AK8: variants seen among roughly 807,000 people sequenced by gnomAD.
AK8 encodes the protein ATP-AMP transphosphorylase 8.
Under a neutral mutation model 54.6 loss-of-function variants are expected in AK8, and 44 were observed. The observed-to-expected ratio is 0.81, with a 90% CI of 0.63 to 1.04. The LOEUF is 1.04. Ranked by LOEUF, AK8 falls within the 50% of genes least tolerant of loss-of-function variation. The pLI is 0.00. For synonymous variants in AK8, 239 were observed against 245.6 expected (o/e 0.97, Z 0.25); for missense variants, 555 against 613.6 (o/e 0.90, Z 1.01).
chr9:132,864,601 T>C (rs1843516357), intron 3 of AK8, among the ~76,000 whole-genome samples: 1 of 152,206 alleles, frequency 6.6e-6, no homozygotes, highest in Admixed American at 6.5e-5. Context: ...GAAGCCCTTT[T>C]TGACTGTACA....
chr9:132,804,939 G>A (rs1414133319), intron 10 of AK8, among the ~76,000 whole-genome samples: 6 of 152,168 alleles, frequency 3.9e-5, no homozygotes, highest in African/African-American at 7.2e-5. Flanking sequence ...GAAAGAACCC[G>A]TGTCAGCTCC....
At chr9:132,835,913 T>C (rs1042475156) in intron 5 of AK8, among the ~76,000 whole-genome samples, 3 of 151,940 alleles carry the variant, frequency 2.0e-5, no homozygotes, top group Non-Finnish European at 2.9e-5. Flanking sequence ...CACCTGAGGT[T>C]GAGAGTTCGA....
rs552902959 is a variant in AK8, at chr9:132,804,632, G to A, written c.979+10006C>T. Among the ~76,000 whole-genome samples, 65 of 152,148 alleles carry A rather than the reference G, an allele frequency of 4.3e-4. 1 individual carries two copies. Among genetic ancestry groups the A allele is most frequent in the African/African-American group, 1.1e-3 (45 of 41,486 alleles). ...CTCTTCCCTCGCCTCTCCCCCTCCC[G>A]TGTCCCTCTGCTCCCATCTTGCTTC... On this transcript the variant is annotated intron_variant, in intron 10 of 12. Transcript: ENST00000298545.
At chr9:132,839,830 G>GT (rs1554801294) in intron 5 of AK8, among the ~76,000 whole-genome samples, 5 of 141,534 alleles carry the variant, frequency 3.5e-5, no homozygotes, top group African/African-American at 8.2e-5. Flanking sequence ...CGGGGGGGGG[G>GT]GCGCAGGGAC....
chr9:132,768,585 C>T (rs188394631), intron 11 of AK8, among the ~76,000 whole-genome samples: 2 of 152,262 alleles, frequency 1.3e-5, no homozygotes, highest in East Asian at 3.9e-4. Context: ...ATTGTTTATG[C>T]CTTTTGGATC....
At chr9:132,732,940 A>G (rs985439918) in intron 11 of AK8, among the ~76,000 whole-genome samples, 5 of 152,116 alleles carry the variant, frequency 3.3e-5, no homozygotes, top group African/African-American at 1.2e-4. Flanking sequence ...CTGAGCCACA[A>G]TCTCTTTCTC....
intron 2 of AK8, among the ~76,000 whole-genome samples, chr9:132,870,795 G>A (rs1480675648): frequency 5.3e-5 from 8 of 152,224 alleles, no homozygotes; most frequent in Admixed American, 3.9e-4. Context: ...ACCCCAGGCC[G>A]CTGCATGGCT....
intron 11 of AK8, among the ~76,000 whole-genome samples, chr9:132,745,292 A>C (rs1837588798): frequency 6.6e-6 from 1 of 152,172 alleles, no homozygotes; most frequent in Non-Finnish European, 1.5e-5. Context: ...AATGCATTTA[A>C]CTAATGGGGA....
At chr9:132,795,446 A>C (rs1292901368) in intron 10 of AK8, among the ~76,000 whole-genome samples, 1 of 152,222 alleles carries the variant, frequency 6.6e-6, no homozygotes, top group African/African-American at 2.4e-5. Flanking sequence ...CCTCTGATCC[A>C]GAGACCTTGT....
At chr9:132,833,966 C>T (rs1175749696) in intron 5 of AK8, among the ~76,000 whole-genome samples, 2 of 152,250 alleles carry the variant, frequency 1.3e-5, no homozygotes, top group Non-Finnish European at 2.9e-5. Flanking sequence ...GAGCGTGGGG[C>T]TCCCTGGGTG....
chr9:132,878,531 C>G (rs769688344), upstream of AK8: 49 of 1,179,962 alleles, frequency 4.2e-5, no homozygotes, highest in Non-Finnish European at 4.9e-5. This position sits in a 1 kb window ranked among gnomAD's most constrained non-coding sequence, Gnocchi z 4.7. Context: ...CTCCTCGTAT[C>G]TGAGACCCCC....
At chr9:132,802,120 G>A (rs974950945) in intron 10 of AK8, among the ~76,000 whole-genome samples, 1 of 152,234 alleles carries the variant, frequency 6.6e-6, no homozygotes, top group African/African-American at 2.4e-5. Flanking sequence ...AAGCCACGGA[G>A]GTATTGGTAG....
At position 132,814,723 on chromosome 9, in the gene AK8, G is replaced by T. The variant is rs767421835; in HGVS notation, c.894C>A (p.Cys298Ter). 22 of 1,613,574 alleles carry T rather than the reference G, an allele frequency of 1.4e-5. 1 individual carries two copies. In the South Asian group the frequency reaches 2.3e-4, roughly 17 times the overall value. Residue 298 changes from cysteine (C) to a stop codon, truncating the protein, a stop_gained, in exon 10 of 13, where the codon TGC (cysteine) becomes TGA (stop). Transcript: ENST00000298545. LOFTEE classifies it high-confidence loss of function. Reference sequence around the variant, plus strand: ...CAGCCTCTTTCAGCAGTTGCCCACAGCAGACTGAAGGAGAGGGGAACAGAA... The same window carrying T: ...CAGCCTCTTTCAGCAGTTGCCCACATCAGACTGAAGGAGAGGGGAACAGAA... ...LAQKYRLVNV[C>*]CGQLLKEAVA...
chr9:132,751,558 T>G (rs1367434325), intron 11 of AK8, among the ~76,000 whole-genome samples: 2 of 149,480 alleles, frequency 1.3e-5, no homozygotes, highest in Admixed American at 1.3e-4. Flanking sequence ...AAAAAACAAC[T>G]TCTGGGTTTT....
Position 132,837,528 on chromosome 9 carries a change from T to G in AK8, c.403-8802A>C, listed in dbSNP as rs1437008065. Among the ~76,000 whole-genome samples the G allele has an allele frequency of 1.3e-5, 2 of 152,018 alleles. No individual in the cohort carries two copies. The highest frequency in any genetic ancestry group is 4.8e-5 in the African/African-American group (2 of 41,378). ...CGTGCCTCTCAATACTCTCTCCTGCTCCAAGGTCTGCTTGCGTCTGCTCAA... is the reference window on the plus strand; with the variant it reads ...CGTGCCTCTCAATACTCTCTCCTGCGCCAAGGTCTGCTTGCGTCTGCTCAA... On this transcript the variant is annotated intron_variant, in intron 5 of 12. Coordinates refer to ENST00000298545, the MANE Select transcript of AK8 (RefSeq NM_152572.3). The surrounding 1 kb of genome is among the most constrained non-coding windows in gnomAD (Gnocchi z 4.3).
chr9:132,774,312 G>C (rs1590225554), intron 11 of AK8, among the ~76,000 whole-genome samples: 1 of 152,174 alleles, frequency 6.6e-6, no homozygotes, highest in Non-Finnish European at 1.5e-5. Context: ...AGCCAACAAG[G>C]AGGCGATGCC....
chr9:132,833,571 C>T (rs1180502502), intron 5 of AK8, among the ~76,000 whole-genome samples: 8 of 152,128 alleles, frequency 5.3e-5, no homozygotes, highest in East Asian at 1.9e-4. Context: ...CTTCGCTCAC[C>T]GTACCCCCGT....
intron 5 of AK8, among the ~76,000 whole-genome samples, chr9:132,840,852 CA>C (rs34922925): frequency 1.3e-5 from 2 of 150,464 alleles, no homozygotes; most frequent in Non-Finnish European, 3.0e-5. Flanking sequence ...GAGATCGCGC[CA>C]AAAAAAAAGT....
At chr9:132,768,211 C>T (rs897887812) in intron 11 of AK8, among the ~76,000 whole-genome samples, 4 of 152,066 alleles carry the variant, frequency 2.6e-5, no homozygotes, top group Admixed American at 2.6e-4. Context: ...CACATGTACC[C>T]TCATGAATAT....
Sources: allele counts gnomAD v4.1 joint callset (sites outside exome capture counted in the v4.1 genomes callset), GRCh38; gene constraint gnomAD v4.1.1; non-coding constraint Gnocchi (gnomAD v3.1); transcripts MANE v1.5; gene names NCBI Gene and HGNC (gene_info 2026-07-23, HGNC 2026-07-21).